EFHC2: variants seen among roughly 807,000 people sequenced by gnomAD.
EFHC2 encodes EF-hand domain-containing family member C2.
EFHC2 carries 18 observed loss-of-function variants against 52.7 expected under a neutral mutation model. The ratio of observed to expected loss-of-function variants is 0.34; its 90% CI spans 0.24 to 0.51. The LOEUF is 0.51. EFHC2 is among the 20% of genes least tolerant of loss of function. EFHC2 has a pLI of 0.97. For missense variants in EFHC2, 513 were observed against 562.5 expected (o/e 0.91, Z 0.89); for synonymous variants, 203 against 204.1 (o/e 0.99, Z 0.04).
intron 2 of EFHC2, among the ~76,000 whole-genome samples, chrX:44,301,661 C>T (rs1041950123): frequency 2.7e-5 from 3 of 111,963 alleles, no homozygotes; most frequent in Admixed American, 9.5e-5. Context: ...ACATTTCTAT[C>T]ACTTCCCCCA....
intron 2 of EFHC2, chrX:44,309,767 C>A: frequency 7.0e-6 from 7 of 997,037 alleles, no homozygotes; most frequent in African/African-American, 1.9e-5. Flanking sequence ...GCAAAAGAAC[C>A]AGAAAAGAAG....
intron 2 of EFHC2, among the ~76,000 whole-genome samples, chrX:44,280,830 T>C (rs1240262018): frequency 8.9e-6 from 1 of 112,463 alleles, no homozygotes; most frequent in Non-Finnish European, 1.9e-5. Context: ...TAGAAGAGCT[T>C]GACTAAAAGG....
At chrX:44,277,720 T>C (rs2037670679) in intron 2 of EFHC2, among the ~76,000 whole-genome samples, 2 of 111,202 alleles carry the variant, frequency 1.8e-5, no homozygotes, top group South Asian at 7.4e-4. Context: ...TTTTAATAAA[T>C]TTTAAAAACA....
At chrX:44,193,783 T>A (rs1462383580) in intron 11 of EFHC2, among the ~76,000 whole-genome samples, 2 of 111,720 alleles carry the variant, frequency 1.8e-5, no homozygotes, top group Non-Finnish European at 3.8e-5. Flanking sequence ...CAAATCACTA[T>A]GAAAAGAGGG....
chrX:44,309,317 G>T (rs1233091203), intron 2 of EFHC2: 2 of 716,652 alleles, frequency 2.8e-6, no homozygotes, highest in Non-Finnish European at 4.4e-6. Context: ...AGTTCATTTA[G>T]AAGTCAGCAT....
chrX:44,203,946 G>A (rs1254021627), intron 11 of EFHC2, among the ~76,000 whole-genome samples: 1 of 109,882 alleles, frequency 9.1e-6, no homozygotes, highest in African/African-American at 3.3e-5. Flanking sequence ...GGGCAGGTGC[G>A]TCCACCTGGA....
intron 3 of EFHC2, among the ~76,000 whole-genome samples, chrX:44,267,644 A>G (rs990885015): frequency 9.0e-6 from 1 of 110,993 alleles, no homozygotes; most frequent in Non-Finnish European, 1.9e-5. Flanking sequence ...CATCTAGAAA[A>G]TATCAAAATC....
intron 1 of EFHC2, among the ~76,000 whole-genome samples, chrX:44,328,371 T>C (rs1406075929): frequency 9.0e-6 from 1 of 111,679 alleles, no homozygotes; most frequent in Non-Finnish European, 1.9e-5. Context: ...TGGGCAAGAT[T>C]GCAGAAATGC....
rs1162227030 is a variant in EFHC2, at chrX:44,232,022, GAAGTTGTAAACCCAGC to G, written c.1620+443_1620+458del. 3.6e-5 allele frequency among the ~76,000 whole-genome samples: 4 copies of G among 112,100 alleles called. No homozygotes were observed. In the Admixed American group the frequency reaches 3.8e-4, roughly 11 times the overall value. On this transcript the variant is annotated intron_variant, in intron 10 of 14. Transcript: ENST00000420999. The stretch of plus-strand genomic sequence containing the variant: ...AGGCCTCAGGTGGCTACTGTTATGG[GAAGTTGTAAACCCAGC>G]AACTATTCAGTTCCCTTGAGGTTTC...
intron 4 of EFHC2, among the ~76,000 whole-genome samples, chrX:44,251,007 GGC>G (rs2037439982): frequency 9.4e-6 from 1 of 106,899 alleles, no homozygotes; most frequent in Non-Finnish European, 1.9e-5. Flanking sequence ...GGGAGGCTGA[GGC>G]AGGTGGATCA....
At chrX:44,162,358 G>T (rs2036662651) in intron 14 of EFHC2, among the ~76,000 whole-genome samples, 1 of 111,460 alleles carries the variant, frequency 9.0e-6, no homozygotes, top group Admixed American at 9.5e-5. Context: ...GGGAGGTGGA[G>T]GTTGTGGTGA....
At chrX:44,174,187 C>G (rs2036766770) in intron 13 of EFHC2, among the ~76,000 whole-genome samples, 2 of 111,813 alleles carry the variant, frequency 1.8e-5, no homozygotes, top group South Asian at 7.5e-4. Flanking sequence ...AATTAATCCT[C>G]TGAACCACTA....
intron 14 of EFHC2, among the ~76,000 whole-genome samples, chrX:44,155,325 C>T (rs2036599033): frequency 8.9e-6 from 1 of 111,967 alleles, no homozygotes. Context: ...AAATCGCACA[C>T]CCTTGAAATG....
intron 7 of EFHC2, among the ~76,000 whole-genome samples, chrX:44,247,490 C>T (rs1401442660): frequency 9.0e-6 from 1 of 111,667 alleles, no homozygotes; most frequent in Non-Finnish European, 1.9e-5. Context: ...ATCCCAACTC[C>T]AGTACCAAAC....
intron 2 of EFHC2, among the ~76,000 whole-genome samples, chrX:44,287,340 C>T (rs1198588618): frequency 9.0e-6 from 1 of 111,723 alleles, no homozygotes; most frequent in East Asian, 2.8e-4. Context: ...CAACCTGCTC[C>T]TCTCTCCCTG....
chrX:44,232,403 G>A, intron 10 of EFHC2, 78 bp downstream of exon 10: 1 of 795,884 alleles, frequency 1.3e-6, no homozygotes, highest in South Asian at 4.9e-5. Context: ...AGATGAAGAA[G>A]AAAAGGCCCT....
In EFHC2 at chrX:44,272,761, T is replaced by C. The variant is rs1435001056; in HGVS notation, c.307A>G (p.Lys103Glu). Residue 103 changes from lysine to glutamate, a missense_variant, in exon 3 of 15, where the codon AAA becomes GAA. Transcript: ENST00000420999. ...SQTNYRIRYY[K>E]IYFYPEDDTI... is the part of the protein sequence containing the mutation. ...TCATCTTCAGGGTAGAAGTAGATTT[T>C]ATAGTATCTTATTCTGTAGTTGGTT... 1 of 1,166,271 alleles carries C rather than the reference T, an allele frequency of 8.6e-7. No homozygotes were observed. Among genetic ancestry groups the C allele is most frequent in the East Asian group, 3.2e-5 (1 of 31,241 alleles).
chrX:44,151,053 C>G (rs1445886995), intron 14 of EFHC2, among the ~76,000 whole-genome samples: 1 of 110,003 alleles, frequency 9.1e-6, no homozygotes, highest in African/African-American at 3.3e-5. Flanking sequence ...AGCTGCAAAC[C>G]AAGGAACGCC....
intron 1 of EFHC2, among the ~76,000 whole-genome samples, chrX:44,337,765 G>A (rs936320007): frequency 6.3e-5 from 7 of 111,762 alleles, no homozygotes; most frequent in Non-Finnish European, 1.3e-4. Context: ...TTACCATTTC[G>A]CATTCCCACC....
Sources: gnomAD v4.1 joint callset for allele counts (sites outside exome capture counted in the v4.1 genomes callset) on GRCh38, gnomAD v4.1.1 for gene constraint, MANE v1.5 for transcripts, NCBI Gene and HGNC (gene_info 2026-07-23, HGNC 2026-07-21) for gene names.